The following DIP2C variants were observed in gnomAD, a reference collection of about 807,000 sequenced individuals.
The protein encoded by DIP2C is DIP2 acetate--CoA ligase C (putative).
A neutral mutation model predicts 192.4 loss-of-function variants in DIP2C; 33 were observed. The ratio of observed to expected loss-of-function variants is 0.17; its 90% CI spans 0.13 to 0.23. The LOEUF (loss-of-function observed/expected upper bound fraction) is 0.23, where lower values mean the gene tolerates loss of function less well. Among genes scored for constraint, DIP2C ranks in the 10% least tolerant of loss-of-function variants. The probability of loss-of-function intolerance (pLI) is 1.00; values close to 1 mark genes in which losing one functional copy is unlikely to be tolerated. For missense variants in DIP2C, 1,537 were observed against 2,110.1 expected, an observed-to-expected ratio of 0.73 and a Z score of 5.32; for synonymous variants, 979 against 864.1, an observed-to-expected ratio of 1.13 and a Z score of -2.33.
intron 1 of DIP2C, among the ~76,000 whole-genome samples, chr10:540,892 G>A (rs1847945832): frequency 6.6e-6 from 1 of 152,340 alleles, no homozygotes; most frequent in Non-Finnish European, 1.5e-5. Context: ...TAGCTGGAAA[G>A]CAAAGCATGC....
At chr10:349,802 T>A (rs1450155679) in intron 24 of DIP2C, among the ~76,000 whole-genome samples, 1 of 152,216 alleles carries the variant, frequency 6.6e-6, no homozygotes, top group Non-Finnish European at 1.5e-5. Context: ...ACTTGTGTCA[T>A]TGTCGTGGGC....
chr10:420,527 G>A (rs1222277755), intron 5 of DIP2C, among the ~76,000 whole-genome samples: 1 of 152,228 alleles, frequency 6.6e-6, no homozygotes, highest in African/African-American at 2.4e-5. Context: ...GTCCTCAGCG[G>A]ACTTGGATGG....
At chr10:592,347 A>G (rs1368659754) in intron 1 of DIP2C, among the ~76,000 whole-genome samples, 1 of 152,182 alleles carries the variant, frequency 6.6e-6, no homozygotes, top group Non-Finnish European at 1.5e-5. Flanking sequence ...TCACCACATT[A>G]TCTTCTACAA....
Position 541,289 on chromosome 10 carries a change from T to C in DIP2C, c.86-54759A>G, listed in dbSNP as rs572043492. ...GACACACACACCCTGCCGAGGACAG[T>C]GCACAGGTTAAATGTCAAAGCACAG... On this transcript the variant is annotated intron_variant, in intron 1 of 36. Transcript: ENST00000280886. 2.6e-5 allele frequency among the ~76,000 whole-genome samples: 4 copies of C among 152,226 alleles called. No individual in the cohort carries two copies. In the South Asian group the frequency reaches 8.3e-4, roughly 32 times the overall value.
chr10:391,055 A>C (rs1376100476), intron 10 of DIP2C, among the ~76,000 whole-genome samples, 192 bp from the exon 11 acceptor site: 3 of 152,158 alleles, frequency 2.0e-5, no homozygotes, highest in Non-Finnish European at 4.4e-5. Flanking sequence ...CACGTGTAAA[A>C]CAGGTATAGA....
At chr10:351,496 C>T (rs1043439063) in intron 24 of DIP2C, among the ~76,000 whole-genome samples, 2 of 152,226 alleles carry the variant, frequency 1.3e-5, no homozygotes, top group African/African-American at 2.4e-5. Context: ...CCCTTCCTGC[C>T]GCCTGTGGCT....
chr10:483,234 G>A (rs1260894346), intron 2 of DIP2C, among the ~76,000 whole-genome samples: 1 of 152,246 alleles, frequency 6.6e-6, no homozygotes, highest in African/African-American at 2.4e-5. Flanking sequence ...GGAAAAAAGG[G>A]TGGAAGTTAA....
chr10:414,350 C>A (rs979779959), intron 7 of DIP2C, among the ~76,000 whole-genome samples: 1 of 152,146 alleles, frequency 6.6e-6, no homozygotes, highest in African/African-American at 2.4e-5. Flanking sequence ...GACCTGCACA[C>A]AGCTGCAAAC....
At chr10:488,408 T>A (rs551464569) in intron 1 of DIP2C, among the ~76,000 whole-genome samples, 1 of 152,308 alleles carries the variant, frequency 6.6e-6, no homozygotes, top group South Asian at 2.1e-4. Flanking sequence ...TAAGAACTTA[T>A]TTTACAGATG....
intron 1 of DIP2C, among the ~76,000 whole-genome samples, chr10:556,825 G>A (rs1459784107): frequency 5.3e-5 from 8 of 152,222 alleles, no homozygotes; most frequent in Non-Finnish European, 1.0e-4. Flanking sequence ...GTCACAGAGA[G>A]GAACATGCTG....
chr10:281,970 T>TA (rs1482151600), intron 35 of DIP2C: 2 of 152,246 alleles, frequency 1.3e-5, no homozygotes, highest in Non-Finnish European at 2.9e-5. Flanking sequence ...TATAAGGTAG[T>TA]AAGCATATTA....
At chr10:374,476 T>TCC (rs1019747726) in intron 17 of DIP2C, among the ~76,000 whole-genome samples, 1 of 152,196 alleles carries the variant, frequency 6.6e-6, no homozygotes, top group African/African-American at 2.4e-5. Context: ...ACCATGACCC[T>TCC]CCCTGTTTAG....
Position 369,516 on chromosome 10 carries a change from A to T in DIP2C, c.2109T>A (p.Asp703Glu). ...CACCTCCAGGCATCACGAGGCCGAC[A>T]TCCTGCACGGTGAGCACGGACAGCT... The part of the protein sequence containing the change: ...EEKLSVLTVQ[D>E]VGLVMPGAIM... The change falls in exon 18 of 37, where the codon GAT becomes GAA. Residue 703 changes from aspartate (D) to glutamate (E), a missense_variant. This residue lies in a region of DIP2C where 677 missense variants were observed against 989.9 expected (regional missense o/e 0.68). Transcript: ENST00000280886. 1 of 1,564,744 alleles carries T rather than the reference A, an allele frequency of 6.4e-7. No individual in the cohort carries two copies. Among genetic ancestry groups the T allele is most frequent in the South Asian group, 1.2e-5 (1 of 81,746 alleles).
intron 36 of DIP2C, among the ~76,000 whole-genome samples, chr10:279,972 C>T (rs1017732310): frequency 7.2e-5 from 11 of 152,204 alleles, no homozygotes; most frequent in African/African-American, 1.9e-4. Context: ...AATACAAAAA[C>T]GGAAGGCTGT....
chr10:279,148 A>G (rs534570410), intron 36 of DIP2C, among the ~76,000 whole-genome samples: 10 of 152,306 alleles, frequency 6.6e-5, no homozygotes, highest in African/African-American at 2.2e-4. Context: ...TGACTGCCGC[A>G]TGCCTATGGA....
intron 4 of DIP2C, among the ~76,000 whole-genome samples, chr10:432,468 A>G (rs1966870669): frequency 6.6e-6 from 1 of 152,198 alleles, no homozygotes; most frequent in Non-Finnish European, 1.5e-5. Context: ...ATTTGTGGCC[A>G]TAGAGTTTTT....
chr10:472,975 A>G (rs557442614), intron 2 of DIP2C, among the ~76,000 whole-genome samples: 1 of 152,360 alleles, frequency 6.6e-6, no homozygotes, highest in Non-Finnish European at 1.5e-5. Context: ...AGTAATTGTT[A>G]AAATAAATCT....
At chr10:283,527 A>G (rs1382577380) in intron 34 of DIP2C, 81 bp from the exon 35 acceptor site, 33 of 1,503,134 alleles carry the variant, frequency 2.2e-5, no homozygotes, top group Non-Finnish European at 3.0e-5. Flanking sequence ...TTGACAATTC[A>G]GTACATTATA....
At chr10:523,955 G>A (rs1846893940) in intron 1 of DIP2C, among the ~76,000 whole-genome samples, 1 of 152,208 alleles carries the variant, frequency 6.6e-6, no homozygotes, top group African/African-American at 2.4e-5. Flanking sequence ...TGGGCCAAGG[G>A]GATCTCAGAG....
Sources: gnomAD v4.1 joint callset for allele counts (sites outside exome capture counted in the v4.1 genomes callset) on GRCh38, gnomAD v4.1.1 for gene constraint, gnomAD v4.1.1 regional missense constraint, MANE v1.5 for transcripts, NCBI Gene and HGNC (gene_info 2026-07-23, HGNC 2026-07-21) for gene names.